LRSAM1: variants seen among roughly 807,000 people sequenced by gnomAD.
The protein encoded by LRSAM1 is E3 ubiquitin-protein ligase LRSAM1.
LRSAM1 carries 96 observed loss-of-function variants against 118.1 expected under a neutral mutation model. That is an observed-to-expected ratio of 0.81 (90% CI 0.69 to 0.96). LRSAM1 has a LOEUF of 0.96. LRSAM1 is among the 40% of genes least tolerant of loss of function. The pLI is 0.00. For synonymous variants in LRSAM1, 322 were observed against 364.2 expected, an observed-to-expected ratio of 0.88 and a Z score of 1.32; for missense variants, 804 against 915.5, an observed-to-expected ratio of 0.88 and a Z score of 1.57.
intron 9 of LRSAM1, among the ~76,000 whole-genome samples, chr9:127,466,511 T>TA (rs1289068994): frequency 2.5e-5 from 2 of 80,676 alleles, no homozygotes; most frequent in African/African-American, 1.3e-4. Context: ...TATATTTTTT[T>TA]TTTTTTTTTT....
chr9:127,501,608 T>C (rs978032244), intron 25 of LRSAM1, among the ~76,000 whole-genome samples: 10 of 152,048 alleles, frequency 6.6e-5, no homozygotes, highest in African/African-American at 2.2e-4. Flanking sequence ...GGTGGGCGCC[T>C]GTAAGCCCAG....
At chr9:127,497,158 G>A (rs1400993340) in intron 23 of LRSAM1, 95 bp from the exon 24 acceptor site, 13 of 1,281,132 alleles carry the variant, frequency 1.0e-5, no homozygotes, top group South Asian at 7.2e-5. Flanking sequence ...AGGAGGTGTC[G>A]ACGGTCCTGT....
At chr9:127,455,163 T>A in intron 4 of LRSAM1, 109 bp downstream of exon 4, 1 of 1,078,794 alleles carries the variant, frequency 9.3e-7, no homozygotes, top group Non-Finnish European at 1.4e-6. Context: ...GGCCAGAAGC[T>A]CTAGTCACGA....
At chr9:127,462,536 CG>C (rs1588101214) in intron 9 of LRSAM1, among the ~76,000 whole-genome samples, 163 bp downstream of exon 9, 1 of 152,108 alleles carries the variant, frequency 6.6e-6, no homozygotes, top group East Asian at 1.9e-4. Flanking sequence ...TGTGAACATT[CG>C]TAATTATATG....
rs1230298244 is a variant in LRSAM1 at position 127,482,960 on chromosome 9, G to A, written c.1099G>A (p.Glu367Lys). 2 of 1,559,836 alleles carry A rather than the reference G, an allele frequency of 1.3e-6. No individual in the cohort carries two copies. The highest frequency in any genetic ancestry group is 8.7e-7 in the Non-Finnish European group (1 of 1,151,588). The change falls in exon 16 of 26, where the codon GAA (glutamate) becomes AAA (lysine). Residue 367 changes from glutamate to lysine, a missense_variant. By Grantham distance (56) the Glu-to-Lys change is moderately conservative. Coordinates refer to ENST00000300417, the MANE Select transcript of LRSAM1 (RefSeq NM_001005373.4). ...KSLENERIRM[E>K]QLMSITQEET... ...TGGATTTTTTTCTAGAATAAGAATG[G>A]AACAGTTGATGTCCATAACCCAGGA...
In LRSAM1 at chr9:127,467,845, C is replaced by T. The variant is rs1286588185; in HGVS notation, c.619+15C>T. 2.6e-6 allele frequency: 4 copies of T among 1,564,644 alleles called. No homozygotes were observed. Among genetic ancestry groups the T allele is most frequent in the Non-Finnish European group, 2.6e-6 (3 of 1,157,368 alleles). ...CCTCTGCAAAGGTAAAGCCAGGCCG[C>T]TGCCTCCTCCCCTCATTGAGGAACT... On this transcript the variant is annotated intron_variant, in intron 10 of 25. Transcript: ENST00000300417.
intron 16 of LRSAM1, among the ~76,000 whole-genome samples, chr9:127,484,850 C>T (rs1334822431): frequency 2.8e-5 from 4 of 141,436 alleles, no homozygotes; most frequent in Non-Finnish European, 6.1e-5. Context: ...GCTCTGTTGC[C>T]CAGGCTGGAG....
chr9:127,464,448 G>T (rs931052029), intron 9 of LRSAM1, among the ~76,000 whole-genome samples: 10 of 152,040 alleles, frequency 6.6e-5, no homozygotes, highest in Non-Finnish European at 1.5e-4. Context: ...GCAGCCGCTG[G>T]CCATATGTAT....
intron 15 of LRSAM1, among the ~76,000 whole-genome samples, chr9:127,481,555 G>A (rs1835541336): frequency 6.6e-6 from 1 of 152,026 alleles, no homozygotes; most frequent in Non-Finnish European, 1.5e-5. Flanking sequence ...GCCAAGGAGA[G>A]CAGCTTTGAG....
At chr9:127,453,324 C>T (rs769340725) in intron 2 of LRSAM1, among the ~76,000 whole-genome samples, 8 of 152,204 alleles carry the variant, frequency 5.3e-5, no homozygotes, top group Non-Finnish European at 1.2e-4. Flanking sequence ...TCAAGTGACC[C>T]ACCTGTCTTG....
intron 8 of LRSAM1, among the ~76,000 whole-genome samples, chr9:127,461,799 A>C (rs1326757943): frequency 1.3e-5 from 2 of 152,234 alleles, no homozygotes; most frequent in Non-Finnish European, 2.9e-5. Context: ...TCTGCTCGCC[A>C]CACCCAGCTC....
In LRSAM1 at chr9:127,462,315, T is replaced by G; in HGVS notation, c.470T>G (p.Ile157Ser). 1 of 1,614,050 alleles carries G rather than the reference T, an allele frequency of 6.2e-7. No individual in the cohort carries two copies. Among genetic ancestry groups the G allele is most frequent in the Non-Finnish European group, 8.5e-7 (1 of 1,180,008 alleles). The change falls in exon 9 of 26, where the codon ATC becomes AGC. Residue 157 changes from isoleucine (I) to serine (S), a missense_variant. By Grantham distance (142) the Ile-to-Ser change is moderately radical. Coordinates refer to ENST00000300417, the MANE Select transcript of LRSAM1 (RefSeq NM_001005373.4). ...CTTCGAAGCCTGCGTACCCTCAACA[T>G]CAGTGGAAACGAGATCCAGAGATTG... ...GELRSLRTLN[I>S]SGNEIQRLPQ...
At chr9:127,470,338 A>G (rs1835119777) in intron 10 of LRSAM1, among the ~76,000 whole-genome samples, 1 of 152,072 alleles carries the variant, frequency 6.6e-6, no homozygotes, top group African/African-American at 2.4e-5. Flanking sequence ...ATTAGTGCCA[A>G]GTGAAGAGGG....
In LRSAM1 at chr9:127,495,332, G is replaced by A. The variant is rs764802320; in HGVS notation, c.1612G>A (p.Ala538Thr). Residue 538 changes from alanine (A) to threonine (T), a missense_variant, in exon 22 of 26, where the codon GCC becomes ACC. Physicochemically the swap from Ala to Thr is moderately conservative, Grantham distance 58. Coordinates refer to ENST00000300417, the MANE Select transcript of LRSAM1 (RefSeq NM_001005373.4). ...ELREILTELE[A>T]KSETRQENYW... ...TCATTCCTGGCAGACGGAGTTAGAA[G>A]CCAAAAGTGAAACCAGGCAGGAAAA... 1 of 1,614,022 alleles carries A rather than the reference G, an allele frequency of 6.2e-7. No individual in the cohort carries two copies.
At chr9:127,471,739 A>G (rs1835177477) in intron 10 of LRSAM1, among the ~76,000 whole-genome samples, 1 of 151,402 alleles carries the variant, frequency 6.6e-6, no homozygotes, top group Non-Finnish European at 1.5e-5. Context: ...GTGAGCTGAG[A>G]TCTCGCCACT....
Position 127,455,564 on chromosome 9 carries a change from A to T in LRSAM1, c.130-12A>T. The T allele has an allele frequency of 6.2e-7, 1 of 1,614,048 alleles. No homozygotes were observed. The highest frequency in any genetic ancestry group is 8.5e-7 in the Non-Finnish European group (1 of 1,179,916). On this transcript the variant is annotated splice_polypyrimidine_tract_variant and intron_variant, in intron 4 of 25. Transcript: ENST00000300417. Reference sequence around the variant, plus strand: ...GGAGGGGAGACACTTACTCTTCTTTATCTTATCTTAGATTCCATTTGGAGC... The same window carrying T: ...GGAGGGGAGACACTTACTCTTCTTTTTCTTATCTTAGATTCCATTTGGAGC...
intron 9 of LRSAM1, among the ~76,000 whole-genome samples, chr9:127,467,038 C>T (rs759441679): frequency 2.0e-5 from 3 of 151,968 alleles, no homozygotes; most frequent in Non-Finnish European, 4.4e-5. Flanking sequence ...TGTAACCAAG[C>T]GAGTTATAGA....
At chr9:127,463,656 C>T (rs1834831424) in intron 9 of LRSAM1, among the ~76,000 whole-genome samples, 1 of 152,122 alleles carries the variant, frequency 6.6e-6, no homozygotes, top group Non-Finnish European at 1.5e-5. Flanking sequence ...ATGCTATCTC[C>T]ACATACAGCC....
intron 11 of LRSAM1, among the ~76,000 whole-genome samples, chr9:127,474,177 A>T (rs1234226419): frequency 2.6e-5 from 4 of 151,174 alleles, no homozygotes. Context: ...TGAACTAACC[A>T]TGATCCTTCC....
Sources: allele counts gnomAD v4.1 joint callset (sites outside exome capture counted in the v4.1 genomes callset), GRCh38; gene constraint gnomAD v4.1.1; transcripts MANE v1.5; gene names NCBI Gene and HGNC (gene_info 2026-07-23, HGNC 2026-07-21).